Variants in TSN observed in about 807,000 individuals in gnomAD.
TSN encodes the protein component 3 of promoter of RISC.
TSN carries 5 observed loss-of-function variants against 29.4 expected under a neutral mutation model. The ratio of observed to expected loss-of-function variants is 0.17; its 90% CI spans 0.09 to 0.36. The LOEUF (loss-of-function observed/expected upper bound fraction) is 0.36. TSN is among the 10% of genes least tolerant of loss of function. TSN has a pLI of 1.00. For missense variants in TSN, 159 were observed against 272.8 expected (o/e 0.58, Z 2.94); for synonymous variants, 106 against 102.2 (o/e 1.04, Z -0.23).
intron 3 of TSN, among the ~76,000 whole-genome samples, chr2:121,759,272 T>C (rs2106453338): frequency 6.6e-6 from 1 of 152,324 alleles, no homozygotes; most frequent in African/African-American, 2.4e-5. Flanking sequence ...GATACACCAT[T>C]ATTTTATGTA....
In TSN at chr2:121,765,199, C is replaced by T. The variant is rs201795132; in HGVS notation, c.519C>T (p.Phe173=). The change falls in exon 6 of 6, where the codon TTC becomes TTT. Residue 173 remains phenylalanine, a synonymous_variant. Coordinates refer to ENST00000389682, the MANE Select transcript of TSN (RefSeq NM_004622.3). ...CCCGACCCCTCCACATCTCCACCTT[C>T]ATCAATGAGCTGGATTCCGGTTTTC... ...DYSRPLHIST[F]INELDSGFRL... is the part of the protein sequence containing the mutation. 6.8e-6 allele frequency: 11 copies of T among 1,614,242 alleles called. No individual in the cohort carries two copies. In the Admixed American group the frequency reaches 1.8e-4, roughly 27 times the overall value.
intron 4 of TSN, among the ~76,000 whole-genome samples, chr2:121,761,984 A>T (rs1364791229): frequency 2.0e-5 from 3 of 148,432 alleles, no homozygotes; most frequent in Non-Finnish European, 4.4e-5. Context: ...TGCCCAGCTA[A>T]TTTTTTGTAT....
At chr2:121,762,462 C>G (rs1257470550) in intron 4 of TSN, among the ~76,000 whole-genome samples, 1 of 152,184 alleles carries the variant, frequency 6.6e-6, no homozygotes, top group Admixed American at 6.5e-5. Context: ...AGTTGGTTAG[C>G]GCAGAGGGCC....
Position 121,757,260 on chromosome 2 carries a change from G to A in TSN, c.87G>A (p.Gln29=). 1 of 1,614,016 alleles carries A rather than the reference G, an allele frequency of 6.2e-7. No homozygotes were observed. The highest frequency in any genetic ancestry group is 8.5e-7 in the Non-Finnish European group (1 of 1,179,958). ...DIREEIRKVV[Q]SLEQTAREIL... ...TCTAGGAAATCAGAAAAGTTGTACA[G>A]AGTTTAGAACAAACAGCTCGAGAGA... Residue 29 remains glutamine, a synonymous_variant, in exon 2 of 6, where the codon CAG becomes CAA. Coordinates refer to ENST00000389682, the MANE Select transcript of TSN (RefSeq NM_004622.3).
Position 121,755,686 on chromosome 2 carries a change from C to T in TSN, c.-94C>T, listed in dbSNP as rs978367814. The stretch of plus-strand genomic sequence containing the variant: ...TAAGACCGGGGGGACGCGGCGGTAG[C>T]GGCGGCCGTTGCGATTGATTGCGCT... On this transcript the variant is annotated 5_prime_UTR_variant, in exon 1 of 6. Transcript: ENST00000389682. The T allele has an allele frequency of 3.5e-5, 53 of 1,520,010 alleles. No homozygotes were observed. In the East Asian group the frequency reaches 5.9e-4, roughly 17 times the overall value. The allele number at this position is 1,520,010 out of a possible 1,614,324, so 94.2% of individuals were successfully genotyped here. A position where few individuals can be genotyped will look rare whatever the true frequency, so the allele number is the denominator to read the frequency against.
chr2:121,759,606 TA>T (rs965640042), intron 3 of TSN, among the ~76,000 whole-genome samples: 74 of 141,912 alleles, frequency 5.2e-4, no homozygotes, highest in Non-Finnish European at 5.3e-4. Flanking sequence ...AGACTCCATC[TA>T]AAAAAAAAAA....
intron 5 of TSN, among the ~76,000 whole-genome samples, chr2:121,763,764 A>G (rs1407301330): frequency 6.6e-6 from 1 of 152,200 alleles, no homozygotes; most frequent in East Asian, 1.9e-4. Flanking sequence ...TATCTAGGGA[A>G]ATTGCCCTGT....
intron 1 of TSN, chr2:121,756,624 G>C: frequency 4.6e-6 from 6 of 1,298,164 alleles, no homozygotes; most frequent in Non-Finnish European, 6.1e-6. Context: ...TGAATTAGAG[G>C]CGGGGAGCGG....
chr2:121,756,013 C>A (rs903366092), intron 1 of TSN, 168 bp downstream of exon 1: 2 of 1,377,950 alleles, frequency 1.5e-6, no homozygotes, highest in African/African-American at 2.9e-5. Flanking sequence ...CAAAATTTTG[C>A]TGCTCTGTCC....
At chr2:121,761,903 C>T (rs978692468) in intron 4 of TSN, among the ~76,000 whole-genome samples, 2 of 152,024 alleles carry the variant, frequency 1.3e-5, no homozygotes, top group East Asian at 1.9e-4. Flanking sequence ...CTGCAACCTC[C>T]ACCTCCCAGG....
chr2:121,761,236 C>T (rs552084294), intron 3 of TSN, among the ~76,000 whole-genome samples, 173 bp from the exon 4 acceptor site: 100 of 152,218 alleles, frequency 6.6e-4, no homozygotes, highest in African/African-American at 2.0e-3. Context: ...GTTATAAATT[C>T]GAACTTGTAA....
In TSN at chr2:121,766,841, A is replaced by G. The variant is rs1444678959; in HGVS notation, c.*1474A>G. The G allele has an allele frequency of 6.6e-6, 1 of 152,244 alleles. No individual in the cohort carries two copies. The highest frequency in any genetic ancestry group is 1.5e-5 in the Non-Finnish European group (1 of 68,044). The allele number at this position is 152,244 out of a possible 1,614,324, so 9.4% of individuals were successfully genotyped here. ...ACCTTTCACAGCTTTTATCAGGCCA[A>G]GTTAAAGGCTGACTACATTTTTTCA... On this transcript the variant is annotated 3_prime_UTR_variant, in exon 6 of 6. Transcript: ENST00000389682.
chr2:121,757,604 T>C (rs776995017), intron 2 of TSN: 1 of 481,064 alleles, frequency 2.1e-6, no homozygotes, highest in Non-Finnish European at 3.6e-6. Flanking sequence ...TGCAGCTCTC[T>C]GCCAGCACAG....
At chr2:121,757,161 A>G in intron 1 of TSN, 79 bp from the exon 2 acceptor site, 2 of 1,290,576 alleles carry the variant, frequency 1.5e-6, no homozygotes, top group Admixed American at 3.8e-5. Flanking sequence ...TAGATCACAT[A>G]AGCTATCTAA....
At chr2:121,759,446 A>G (rs1158815794) in intron 3 of TSN, among the ~76,000 whole-genome samples, 1 of 152,146 alleles carries the variant, frequency 6.6e-6, no homozygotes, top group Non-Finnish European at 1.5e-5. Flanking sequence ...CGTCTCTACT[A>G]AAAATACGAA....
intron 1 of TSN, chr2:121,756,314 C>T (rs2074746671): frequency 8.1e-6 from 2 of 246,522 alleles, no homozygotes; most frequent in South Asian, 7.5e-5. Context: ...TTCACTTTAC[C>T]TCTTCTAGTG....
chr2:121,762,964 C>T, intron 4 of TSN, 41 bp from the exon 5 acceptor site: 1 of 1,526,144 alleles, frequency 6.6e-7, no homozygotes, highest in Non-Finnish European at 8.9e-7. Flanking sequence ...TGAGGCTTAA[C>T]TTGCATTCAC....
chr2:121,762,266 A>G (rs2074842268), intron 4 of TSN, among the ~76,000 whole-genome samples: 1 of 152,192 alleles, frequency 6.6e-6, no homozygotes, highest in African/African-American at 2.4e-5. Context: ...TGCTGGGATT[A>G]CAGGCGTGAG....
chr2:121,758,025 GTGTGTGTA>G lies in TSN; in HGVS notation c.161-667_161-660del, dbSNP rs139242094. Among the ~76,000 whole-genome samples, 871 of 152,128 alleles carry G rather than the reference GTGTGTGTA, an allele frequency of 5.7e-3. 8 individuals are homozygous for G. Among genetic ancestry groups the G allele is most frequent in the African/African-American group, 0.019 (773 of 41,480 alleles). ...CTTTTATTTGGCCCTTTGTGTGTGT[GTGTGTGTA>G]TGTGTGTATGTGTGTATATGCACCT... is the stretch of plus-strand genomic sequence containing the variant. On this transcript the variant is annotated intron_variant, in intron 2 of 5. Transcript: ENST00000389682.
Sources: gnomAD v4.1 joint callset for allele counts (sites outside exome capture counted in the v4.1 genomes callset) on GRCh38, gnomAD v4.1.1 for gene constraint, MANE v1.5 for transcripts, NCBI Gene and HGNC (gene_info 2026-07-23, HGNC 2026-07-21) for gene names.